SLC4A4: variants seen among roughly 807,000 people sequenced by gnomAD.
The protein encoded by SLC4A4 is electrogenic sodium bicarbonate cotransporter 1.
A neutral mutation model predicts 111.5 loss-of-function variants in SLC4A4; 27 were observed. That is an observed-to-expected ratio of 0.24 (90% CI 0.18 to 0.33). The LOEUF (loss-of-function observed/expected upper bound fraction) is 0.33, where lower values mean the gene tolerates loss of function less well. Ranked by LOEUF, SLC4A4 falls within the 10% of genes least tolerant of loss-of-function variation. The pLI is 1.00. For missense variants in SLC4A4, 909 were observed against 1,315.5 expected (o/e 0.69, Z 4.78); for synonymous variants, 443 against 463.4 (o/e 0.96, Z 0.57).
At chr4:71,135,103 G>T (rs151001041) in intron 2 of SLC4A4, among the ~76,000 whole-genome samples, 202 of 152,114 alleles carry the variant, frequency 1.3e-3, no homozygotes, top group African/African-American at 4.6e-3. Flanking sequence ...TGGTGTGTAT[G>T]TATGTATGTA....
At chr4:71,303,742 TC>T (rs75935690) in intron 3 of SLC4A4, among the ~76,000 whole-genome samples, 4,386 of 146,978 alleles carry the variant, frequency 0.03, 318 homozygotes, top group Admixed American at 0.17. Context: ...CCCTTCGTCT[TC>T]TTCTTTTACT....
intron 7 of SLC4A4, chr4:71,436,972 TAA>T: frequency 1.2e-5 from 4 of 338,112 alleles, no homozygotes; most frequent in Admixed American, 4.3e-5. Flanking sequence ...TGTTTTCTAT[TAA>T]AAAAAAAGAT....
intron 7 of SLC4A4, among the ~76,000 whole-genome samples, chr4:71,407,482 AG>A (rs1452321550): frequency 6.6e-6 from 1 of 152,250 alleles, no homozygotes; most frequent in African/African-American, 2.4e-5. Flanking sequence ...GTTCAGTGAA[AG>A]ACACAACTGT....
chr4:71,310,886 A>T (rs919550360), intron 3 of SLC4A4, among the ~76,000 whole-genome samples: 2 of 152,246 alleles, frequency 1.3e-5, no homozygotes, highest in Admixed American at 1.3e-4. Flanking sequence ...AGACTGCCAA[A>T]TTGGATAAAG....
intron 14 of SLC4A4, among the ~76,000 whole-genome samples, chr4:71,485,495 G>T (rs115700121): frequency 6.6e-6 from 1 of 151,476 alleles, no homozygotes; most frequent in Non-Finnish European, 1.5e-5. Flanking sequence ...CTACTTGATC[G>T]TGGTGGATTA....
rs553460683 is a variant in SLC4A4 at position 71,266,645 on chromosome 4, T to A, written c.253+11246T>A. ...TTTTTTTTCTGGCCAGAAAGCCAAA[T>A]GAATGCATGATCTCATTGAGATACG... On this transcript the variant is annotated intron_variant, in intron 3 of 25. Coordinates refer to ENST00000264485, the MANE Select transcript of SLC4A4 (RefSeq NM_001098484.3). Among the ~76,000 whole-genome samples the A allele has an allele frequency of 4.6e-5, 7 of 152,208 alleles. No homozygotes were observed. The South Asian group carries it at 1.5e-3, about 32-fold the overall frequency.
intron 7 of SLC4A4, among the ~76,000 whole-genome samples, chr4:71,402,809 G>T (rs751613829): frequency 2.6e-4 from 40 of 152,242 alleles, no homozygotes; most frequent in Non-Finnish European, 5.3e-4. Flanking sequence ...ATATCCTTGG[G>T]CCCCTTTCAC....
chr4:71,493,661 CTT>C (rs1730140297), intron 15 of SLC4A4, among the ~76,000 whole-genome samples: 1 of 151,764 alleles, frequency 6.6e-6, no homozygotes, highest in Non-Finnish European at 1.5e-5. Context: ...CTCTCTCTCT[CTT>C]TCTCCGTCCC....
intron 6 of SLC4A4, among the ~76,000 whole-genome samples, chr4:71,373,711 C>A (rs150187288): frequency 6.6e-6 from 1 of 152,204 alleles, no homozygotes; most frequent in Non-Finnish European, 1.5e-5. Flanking sequence ...GTCAGTCATT[C>A]TTTGAGTGGG....
intron 6 of SLC4A4, among the ~76,000 whole-genome samples, chr4:71,358,135 A>C (rs1348712310): frequency 6.6e-6 from 1 of 152,116 alleles, no homozygotes; most frequent in Non-Finnish European, 1.5e-5. Flanking sequence ...TAACATGGCG[A>C]AACCCCATCT....
intron 2 of SLC4A4, among the ~76,000 whole-genome samples, chr4:71,180,006 A>C (rs1213856161): frequency 6.6e-6 from 1 of 152,224 alleles, no homozygotes; most frequent in East Asian, 1.9e-4. Flanking sequence ...AAACAGAGAT[A>C]TAGATCAATG....
At chr4:71,239,750 C>A (rs1720059308) in intron 2 of SLC4A4, among the ~76,000 whole-genome samples, 1 of 152,082 alleles carries the variant, frequency 6.6e-6, no homozygotes, top group Non-Finnish European at 1.5e-5. Flanking sequence ...AAAATGAAAC[C>A]AAGTGCCAAT....
chr4:71,513,842 G>C (rs1276826464), intron 16 of SLC4A4, among the ~76,000 whole-genome samples: 2 of 152,124 alleles, frequency 1.3e-5, no homozygotes, highest in African/African-American at 2.4e-5. Context: ...TATCATGAAA[G>C]GATGTTGTAT....
rs140558644 is a variant in SLC4A4 at position 71,451,367 on chromosome 4, A to T, written c.1322+66A>T. ...CTTAAATGTAAATTTCCCTTCATCT[A>T]TCAACATATTATTCACTAGTTTGTT... On this transcript the variant is annotated intron_variant, in intron 11 of 25. Transcript: ENST00000264485. 3.9e-6 allele frequency: 4 copies of T among 1,016,678 alleles called. No individual in the cohort carries two copies. The East Asian group carries it at 9.5e-5, about 24-fold the overall frequency. The allele number at this position is 1,016,678 out of a possible 1,614,324, so 63.0% of individuals were successfully genotyped here.
intron 1 of SLC4A4, among the ~76,000 whole-genome samples, chr4:71,073,853 G>A (rs1013780137): frequency 6.6e-6 from 1 of 152,050 alleles, no homozygotes; most frequent in Non-Finnish European, 1.5e-5. Context: ...AAAGGCTGAG[G>A]CGGGTTGACC....
chr4:71,185,187 C>T (rs1745410747), upstream of SLC4A4, among the ~76,000 whole-genome samples: 2 of 152,132 alleles, frequency 1.3e-5, no homozygotes, highest in African/African-American at 4.8e-5. Flanking sequence ...TCTTATTCAC[C>T]AGCACTGAGT....
intron 3 of SLC4A4, among the ~76,000 whole-genome samples, chr4:71,317,417 A>G (rs1173255692): frequency 6.6e-6 from 1 of 152,152 alleles, no homozygotes; most frequent in Admixed American, 6.5e-5. Context: ...AAAGCCATTT[A>G]AAATCAGAAG....
At chr4:71,159,435 G>A (rs956943927) in intron 2 of SLC4A4, among the ~76,000 whole-genome samples, 21 of 151,982 alleles carry the variant, frequency 1.4e-4, no homozygotes, top group Non-Finnish European at 2.5e-4. Context: ...GTATAGTGGC[G>A]TGATCTTGGC....
chr4:71,516,566 G>T (rs1732418422), intron 16 of SLC4A4, among the ~76,000 whole-genome samples: 2 of 152,158 alleles, frequency 1.3e-5, no homozygotes, highest in Admixed American at 1.3e-4. Context: ...CTGCCCCACT[G>T]GGTTTCTAAA....
Sources: gnomAD v4.1 joint callset for allele counts (sites outside exome capture counted in the v4.1 genomes callset) on GRCh38, gnomAD v4.1.1 for gene constraint, MANE v1.5 for transcripts, NCBI Gene and HGNC (gene_info 2026-07-23, HGNC 2026-07-21) for gene names.